The following CCNA1 variants were observed in gnomAD, a reference collection of about 807,000 sequenced individuals.
CCNA1 encodes the protein cyclin-A1.
In CCNA1, 23 loss-of-function variants were observed where a neutral mutation model predicts 54.1. The ratio of observed to expected loss-of-function variants is 0.42; its 90% confidence interval spans 0.31 to 0.60. The LOEUF (loss-of-function observed/expected upper bound fraction) is 0.60, where lower values mean the gene tolerates loss of function less well. Ranked by LOEUF, CCNA1 falls within the 20% of genes least tolerant of loss-of-function variation. CCNA1 has a pLI of 0.14. For synonymous variants in CCNA1, 208 were observed against 213.9 expected, an observed-to-expected ratio of 0.97 and a Z score of 0.24; for missense variants, 450 against 556.7, an observed-to-expected ratio of 0.81 and a Z score of 1.93.
rs985602077 is a variant in CCNA1 at position 36,437,816 on chromosome 13, A to G, written c.485A>G (p.Tyr162Cys). 2 of 1,614,170 alleles carry G rather than the reference A, an allele frequency of 1.2e-6. No homozygotes were observed. Among genetic ancestry groups the G allele is most frequent in the Non-Finnish European group, 1.7e-6 (2 of 1,180,020 alleles). The change falls in exon 3 of 9, where the codon TAT becomes TGT. Residue 162 changes from tyrosine (Y) to cysteine (C), a missense_variant. Tyr to Cys is a radical substitution (Grantham distance 194). Transcript: ENST00000255465. Reference sequence around the variant, plus strand: ...GAGGGGATGGCATTTGAGGATGTGTATGAAGTAGACACCGGCACACTCAAG... The same window carrying G: ...GAGGGGATGGCATTTGAGGATGTGTGTGAAGTAGACACCGGCACACTCAAG...
chr13:36,437,895 T>C lies in CCNA1; in HGVS notation c.544+20T>C, dbSNP rs2055826673. 1.2e-6 allele frequency: 2 copies of C among 1,608,032 alleles called. No homozygotes were observed. Among genetic ancestry groups the C allele is most frequent in the Non-Finnish European group, 1.7e-6 (2 of 1,176,154 alleles). The stretch of plus-strand genomic sequence containing the variant: ...ACACAGGTAACTGACTTGCCTATGG[T>C]TGATGGCTGATGGTACCCTGTATTT... On this transcript the variant is annotated intron_variant, in intron 3 of 8. Coordinates refer to ENST00000255465, the MANE Select transcript of CCNA1 (RefSeq NM_003914.4).
chr13:36,433,479 T>G (rs928952368), intron 2 of CCNA1, among the ~76,000 whole-genome samples: 1 of 150,402 alleles, frequency 6.6e-6, no homozygotes, highest in Non-Finnish European at 1.5e-5. Flanking sequence ...CTTTCTTTCC[T>G]TCTTTCTTTT....
At chr13:36,441,280 G>C (rs954272245) in intron 7 of CCNA1, 49 bp downstream of exon 7, 5 of 1,162,852 alleles carry the variant, frequency 4.3e-6, no homozygotes, top group Non-Finnish European at 6.4e-6. Context: ...TATCTAGAAT[G>C]GGCTTGCCTC....
intron 2 of CCNA1, among the ~76,000 whole-genome samples, chr13:36,434,827 C>CT (rs200507295): frequency 0.011 from 917 of 84,574 alleles, 36 homozygotes; most frequent in African/African-American, 0.045. Flanking sequence ...ATGAGAGGTG[C>CT]CCCCCCCCCC....
intron 2 of CCNA1, among the ~76,000 whole-genome samples, chr13:36,436,071 GTC>G (rs1208138238): frequency 1.3e-5 from 2 of 152,096 alleles, no homozygotes; most frequent in African/African-American, 4.8e-5. Context: ...TCCCTATTGT[GTC>G]TCACTTAGAA....
chr13:36,438,406 CTT>C (rs894580544), intron 4 of CCNA1, among the ~76,000 whole-genome samples: 1 of 152,114 alleles, frequency 6.6e-6, no homozygotes, highest in African/African-American at 2.4e-5. Flanking sequence ...ATATTTCACT[CTT>C]AGGAATAATT....
At chr13:36,442,474 T>G in intron 8 of CCNA1, 140 bp from the exon 9 acceptor site, 1 of 1,084,116 alleles carries the variant, frequency 9.2e-7, no homozygotes, top group Middle Eastern at 2.1e-4. Context: ...GATTTATAAT[T>G]TGTCAGCTTT....
rs1218974132 is a variant in CCNA1, at chr13:36,440,085, G to A, written c.1000G>A (p.Val334Ile). 6.2e-7 allele frequency: 1 copy of A among 1,614,052 alleles called. No individual in the cohort carries two copies. The highest frequency in any genetic ancestry group is 1.1e-5 in the South Asian group (1 of 91,078). Residue 334 changes from valine to isoleucine, a missense_variant, in exon 6 of 9, where the codon GTT becomes ATT. Physicochemically the swap from Val to Ile is conservative, Grantham distance 29. Around this residue, in one of 6 missense-constraint regions of CCNA1, gnomAD observed 150 missense variants for 219.7 expected, o/e 0.68. Coordinates refer to ENST00000255465, the MANE Select transcript of CCNA1 (RefSeq NM_003914.4). ...AAAAATGGAACACTTGCTTCTGAAA[G>A]TTCTAGCTTTTGATCTGACAGTACC...
chr13:36,435,718 G>A (rs2137817927), intron 2 of CCNA1, among the ~76,000 whole-genome samples: 1 of 152,312 alleles, frequency 6.6e-6, no homozygotes, highest in Middle Eastern at 3.4e-3. Flanking sequence ...ATTTGGTGAT[G>A]ACTGATATTT....
chr13:36,432,952 T>C, intron 1 of CCNA1, 81 bp from the exon 2 acceptor site: 1 of 1,337,366 alleles, frequency 7.5e-7, no homozygotes, highest in Non-Finnish European at 1.1e-6. Flanking sequence ...GTGCTCTCCC[T>C]CCTAGAGGTT....
chr13:36,432,355 G>T (rs909962037), upstream of CCNA1: 24 of 299,710 alleles, frequency 8.0e-5, no homozygotes, highest in Non-Finnish European at 1.3e-4. Context: ...GGTCCTTCCC[G>T]CCCCGCCCTT....
Position 36,432,597 on chromosome 13 carries a change from C to A in CCNA1, c.-25C>A, listed in dbSNP as rs909845967. 6.7e-6 allele frequency: 10 copies of A among 1,498,102 alleles called. No homozygotes were observed. Among genetic ancestry groups the A allele is most frequent in the Non-Finnish European group, 9.1e-6 (10 of 1,101,368 alleles). 92.8% of individuals were successfully genotyped at this position (1,498,102 alleles called of 1,614,324 possible). On this transcript the variant is annotated 5_prime_UTR_variant, in exon 1 of 9. Coordinates refer to ENST00000255465, the MANE Select transcript of CCNA1 (RefSeq NM_003914.4). ...CCTGTCTGGTGGGAGGAGGCCGCAG[C>A]GCAGCACCCTGCTCGTCACTTGGGA...
chr13:36,433,394 C>CTTTA (rs1412124000), intron 2 of CCNA1, among the ~76,000 whole-genome samples, 173 bp downstream of exon 2: 11 of 92,188 alleles, frequency 1.2e-4, no homozygotes, highest in African/African-American at 4.8e-4. Flanking sequence ...TTCTTTCTTT[C>CTTTA]TTTCTTTCTT....
chr13:36,432,518 AT>A lies in CCNA1; in HGVS notation c.-103del. The stretch of plus-strand genomic sequence containing the variant: ...CCAGTTGTTCCGGACACATAGAAAG[AT>A]AACGACGGGAAGAGCGGGGCCCGCT... On this transcript the variant is annotated 5_prime_UTR_variant, in exon 1 of 9. Coordinates refer to ENST00000255465, the MANE Select transcript of CCNA1 (RefSeq NM_003914.4). 1 of 664,658 alleles carries A rather than the reference AT, an allele frequency of 1.5e-6. No homozygotes were observed. Among genetic ancestry groups the A allele is most frequent in the East Asian group, 2.8e-5 (1 of 36,132 alleles). The allele number at this position is 664,658 out of a possible 1,614,324, so 41.2% of individuals were successfully genotyped here. A position where few individuals can be genotyped will look rare whatever the true frequency, so the allele number is the denominator to read the frequency against.
At chr13:36,437,426 C>T (rs2137823042) in intron 2 of CCNA1, among the ~76,000 whole-genome samples, 1 of 151,998 alleles carries the variant, frequency 6.6e-6, no homozygotes, top group Admixed American at 6.6e-5. Context: ...AGCTCTTTCT[C>T]CAAATATCAA....
At chr13:36,433,808 TG>T (rs1208181043) in intron 2 of CCNA1, among the ~76,000 whole-genome samples, 3 of 152,104 alleles carry the variant, frequency 2.0e-5, no homozygotes, top group Admixed American at 1.3e-4. Context: ...CCCAAAGTGT[TG>T]GGATTACAGG....
chr13:36,435,791 A>G (rs534439202), intron 2 of CCNA1, among the ~76,000 whole-genome samples: 2 of 152,276 alleles, frequency 1.3e-5, no homozygotes, highest in South Asian at 4.1e-4. Context: ...CCTACTTGGC[A>G]TCTCCACTTA....
chr13:36,437,939 C>A, intron 3 of CCNA1, 64 bp downstream of exon 3: 1 of 1,578,766 alleles, frequency 6.3e-7, no homozygotes, highest in South Asian at 1.2e-5. Context: ...CTGCAGCATT[C>A]AATAGCTAGT....
rs770373399 is a variant in CCNA1, at chr13:36,432,651, C to G, written c.30C>G (p.Tyr10Ter). The change falls in exon 1 of 9, where the codon TAC (tyrosine) becomes TAG (stop). Residue 10 changes from tyrosine (Y) to a stop codon, truncating the protein, a stop_gained. It introduces an in-frame stop codon into an upstream open reading frame of the 5' UTR. Coordinates refer to ENST00000255465, the MANE Select transcript of CCNA1 (RefSeq NM_003914.4). LOFTEE classifies it high-confidence loss of function. ...AGACCGGCTTTCCCGCAATCATGTA[C>G]CCTGGATCTTTTATTGGGGGCTGGG... 1 of 1,607,870 alleles carries G rather than the reference C, an allele frequency of 6.2e-7. No homozygotes were observed. Among genetic ancestry groups the G allele is most frequent in the Non-Finnish European group, 8.5e-7 (1 of 1,177,300 alleles).
Sources: gnomAD v4.1 joint callset for allele counts (sites outside exome capture counted in the v4.1 genomes callset) on GRCh38, gnomAD v4.1.1 for gene constraint, gnomAD v4.1.1 regional missense constraint, MANE v1.5 for transcripts, NCBI Gene and HGNC (gene_info 2026-07-23, HGNC 2026-07-21) for gene names.